The following WSCD2 variants were observed in gnomAD, a reference collection of about 807,000 sequenced individuals.
WSCD2 encodes the protein WSC domain sialate O sulfotransferase 2.
Under a neutral mutation model 55.7 loss-of-function variants are expected in WSCD2, and 28 were observed. That is an observed-to-expected ratio of 0.50 (90% confidence interval 0.37 to 0.69). The LOEUF (loss-of-function observed/expected upper bound fraction) is 0.69. WSCD2 is among the 30% of genes least tolerant of loss of function. The probability of loss-of-function intolerance (pLI) is 0.00; values close to 1 mark genes in which losing one functional copy is unlikely to be tolerated. For missense variants in WSCD2, 616 were observed against 762.1 expected, an observed-to-expected ratio of 0.81 and a Z score of 2.26; for synonymous variants, 301 against 301.9, an observed-to-expected ratio of 1.00 and a Z score of 0.03.
intron 4 of WSCD2, among the ~76,000 whole-genome samples, chr12:108,223,858 C>A (rs951531606): frequency 6.6e-6 from 1 of 152,152 alleles, no homozygotes; most frequent in African/African-American, 2.4e-5. Context: ...AAGGTGGGGC[C>A]AACTCTGTAG....
At chr12:108,239,576 C>T (rs183215054) in intron 7 of WSCD2, among the ~76,000 whole-genome samples, 6 of 152,312 alleles carry the variant, frequency 3.9e-5, no homozygotes, top group East Asian at 1.9e-4. Flanking sequence ...GACCTACTTC[C>T]GCCCTCATTC....
chr12:108,195,626 TG>T lies in WSCD2; in HGVS notation c.-205del. On this transcript the variant is annotated 5_prime_UTR_variant, in exon 2 of 9. It introduces an in-frame stop codon into an upstream open reading frame of the 5' UTR. Coordinates refer to ENST00000547525, the MANE Select transcript of WSCD2 (RefSeq NM_014653.4). ...AAGCTCACCTTCAGTTTGGGAGGGC[TG>T]GTAAGCTCCATCCTTTCTCATGGCC... The T allele has an allele frequency of 1.5e-6, 1 of 672,308 alleles. No homozygotes were observed. Among genetic ancestry groups the T allele is most frequent in the Non-Finnish European group, 2.4e-6 (1 of 418,750 alleles). The allele number at this position is 672,308 out of a possible 1,614,324, so 41.6% of individuals were successfully genotyped here. A position where few individuals can be genotyped will look rare whatever the true frequency, so the allele number is the denominator to read the frequency against.
At chr12:108,150,193 G>A (rs746120924) in intron 1 of WSCD2, among the ~76,000 whole-genome samples, 2 of 152,126 alleles carry the variant, frequency 1.3e-5, no homozygotes, top group East Asian at 1.9e-4. Flanking sequence ...TTTGCGCTAC[G>A]TCATGCAGTT....
At chr12:108,241,158 G>T (rs1314638089) in intron 8 of WSCD2, among the ~76,000 whole-genome samples, 1 of 152,190 alleles carries the variant, frequency 6.6e-6, no homozygotes, top group African/African-American at 2.4e-5. Context: ...GCTCAGAGAG[G>T]TTAAGTGACT....
chr12:108,190,317 A>C (rs891257593), intron 1 of WSCD2, among the ~76,000 whole-genome samples: 9 of 151,998 alleles, frequency 5.9e-5, no homozygotes, highest in African/African-American at 9.7e-5. Context: ...CTCTTAAGAA[A>C]TCAAACCTTC....
In WSCD2 at chr12:108,248,338, A is replaced by G; in HGVS notation, c.1693A>G (p.Arg565Gly). ...LTGVPDDYYPR is the reference protein window; with the variant it reads ...LTGVPDDYYPG ...GGGTGTCCCCGATGACTACTACCCA[A>G]GATGATGCGTCCACACAGGGGGAGG... The change falls in exon 9 of 9, where the codon AGA (arginine) becomes GGA (glycine). Residue 565 changes from arginine to glycine, a missense_variant. By Grantham distance (125) the Arg-to-Gly change is moderately radical (BLOSUM62 -2). This residue lies in a region of WSCD2 where 234 missense variants were observed against 264.6 expected (regional missense o/e 0.88). Coordinates refer to ENST00000547525, the MANE Select transcript of WSCD2 (RefSeq NM_014653.4). This position sits in a 1 kb window ranked among gnomAD's most constrained non-coding sequence, Gnocchi z 4.3. 2 of 1,609,424 alleles carry G rather than the reference A, an allele frequency of 1.2e-6. No individual in the cohort carries two copies.
rs56944563 is a variant in WSCD2 at position 108,211,630 on chromosome 12, C to CATATATATATATAT, written c.682+1333_682+1346dup. Among the ~76,000 whole-genome samples the CATATATATATATAT allele has an allele frequency of 2.7e-4, 37 of 138,526 alleles. 1 individual carries two copies. Among genetic ancestry groups the CATATATATATATAT allele is most frequent in the African/African-American group, 8.7e-4 (32 of 36,748 alleles). The allele number at this position is 138,526 out of a possible 152,430, so 90.9% of individuals were successfully genotyped here. A position where few individuals can be genotyped will look rare whatever the true frequency, so the allele number is the denominator to read the frequency against. On this transcript the variant is annotated intron_variant, in intron 4 of 8. Transcript: ENST00000547525. Reference sequence around the variant, plus strand: ...AAAATGTGTCCAGTGTTTCAAATCCCATATATATATATATATATATACATA... The same window carrying CATATATATATATAT: ...AAAATGTGTCCAGTGTTTCAAATCCCATATATATATATATATATATATATATATATATATACATA...
At chr12:108,234,889 G>A (rs1889128602) in intron 7 of WSCD2, among the ~76,000 whole-genome samples, 1 of 152,130 alleles carries the variant, frequency 6.6e-6, no homozygotes, top group Admixed American at 6.5e-5. Flanking sequence ...AGGATGATGT[G>A]TTAAGAAAGA....
At chr12:108,206,625 G>A (rs1885414117) in intron 3 of WSCD2, among the ~76,000 whole-genome samples, 2 of 152,246 alleles carry the variant, frequency 1.3e-5, no homozygotes, top group South Asian at 4.1e-4. Context: ...CTGTGGTTGT[G>A]CAACTGTGTC....
At chr12:108,155,676 T>C (rs1481101265) in intron 1 of WSCD2, among the ~76,000 whole-genome samples, 1 of 152,222 alleles carries the variant, frequency 6.6e-6, no homozygotes, top group Non-Finnish European at 1.5e-5. Context: ...AGCCTCATTG[T>C]TCTTATCTAG....
rs1290412170 is a variant in WSCD2 at position 108,212,611 on chromosome 12, T to TCA, written c.682+2307_682+2308insAC. 3.6e-5 allele frequency among the ~76,000 whole-genome samples: 4 copies of TCA among 110,720 alleles called. No homozygotes were observed. The East Asian group carries it at 1.0e-3, about 29-fold the overall frequency. 72.6% of individuals were successfully genotyped at this position (110,720 alleles called of 152,430 possible). A position where few individuals can be genotyped will look rare whatever the true frequency, so the allele number is the denominator to read the frequency against. On this transcript the variant is annotated intron_variant, in intron 4 of 8. Transcript: ENST00000547525. The stretch of plus-strand genomic sequence containing the variant: ...CCATTTCTCTCTCTCTCTCTCTCTC[T>TCA]CTCACACACACACACACACACACAT...
chr12:108,169,483 T>A (rs1346694167), intron 1 of WSCD2, among the ~76,000 whole-genome samples: 3 of 151,964 alleles, frequency 2.0e-5, no homozygotes, highest in African/African-American at 4.8e-5. Context: ...GACAGAAACG[T>A]CAAGTTTGAA....
At chr12:108,174,865 C>T (rs1880623873) in intron 1 of WSCD2, among the ~76,000 whole-genome samples, 1 of 152,178 alleles carries the variant, frequency 6.6e-6, no homozygotes, top group Admixed American at 6.5e-5. Context: ...TCAAGCGATC[C>T]TCCTGCTTCG....
At chr12:108,200,121 T>C (rs1490517584) in intron 2 of WSCD2, among the ~76,000 whole-genome samples, 3 of 152,132 alleles carry the variant, frequency 2.0e-5, no homozygotes, top group African/African-American at 7.2e-5. Context: ...GGGCTGGGTG[T>C]GAAGGTGGCC....
chr12:108,186,592 G>A (rs1882524506), intron 1 of WSCD2, among the ~76,000 whole-genome samples: 1 of 152,152 alleles, frequency 6.6e-6, no homozygotes, highest in African/African-American at 2.4e-5. Flanking sequence ...TCATATCATT[G>A]GAATCGTACA....
At position 108,195,699 on chromosome 12, in the gene WSCD2, C is replaced by T; in HGVS notation, c.-134C>T. 4 of 1,306,044 alleles carry T rather than the reference C, an allele frequency of 3.1e-6. No individual in the cohort carries two copies. Among genetic ancestry groups the T allele is most frequent in the Non-Finnish European group, 4.1e-6 (4 of 968,760 alleles). The allele number at this position is 1,306,044 out of a possible 1,614,324, so 80.9% of individuals were successfully genotyped here. A position where few individuals can be genotyped will look rare whatever the true frequency, so the allele number is the denominator to read the frequency against. ...CCTCCCCTTCTGGCCTTGGTGATCA[C>T]TTTTTCAGGAAGAGTGAGACTGAGG... On this transcript the variant is annotated 5_prime_UTR_variant, in exon 2 of 9. Transcript: ENST00000547525.
intron 2 of WSCD2, among the ~76,000 whole-genome samples, chr12:108,198,231 C>A (rs1250836880): frequency 1.3e-5 from 2 of 152,080 alleles, no homozygotes; most frequent in Non-Finnish European, 2.9e-5. Context: ...TCTATCAGCA[C>A]CCGGGACAGC....
At chr12:108,216,542 A>G in intron 4 of WSCD2, among the ~76,000 whole-genome samples, 1 of 152,354 alleles carries the variant, frequency 6.6e-6, no homozygotes, top group East Asian at 1.9e-4. Flanking sequence ...CAAAGATCCA[A>G]GGTGTTTTAA....
chr12:108,131,052 T>G (rs1007390527), intron 1 of WSCD2, among the ~76,000 whole-genome samples: 1 of 152,174 alleles, frequency 6.6e-6, no homozygotes, highest in Non-Finnish European at 1.5e-5. Context: ...TGTGTTGTTT[T>G]TAAGACAGTT....
Sources: allele counts gnomAD v4.1 joint callset (sites outside exome capture counted in the v4.1 genomes callset), GRCh38; gene constraint gnomAD v4.1.1; regional missense constraint gnomAD v4.1.1; non-coding constraint Gnocchi (gnomAD v3.1); transcripts MANE v1.5; gene names NCBI Gene and HGNC (gene_info 2026-07-23, HGNC 2026-07-21).